PRDM15: variants seen among roughly 807,000 people sequenced by gnomAD.
PRDM15 encodes PR domain zinc finger protein 15.
PRDM15 carries 64 observed loss-of-function variants against 128.6 expected under a neutral mutation model. The ratio of observed to expected loss-of-function variants is 0.50; its 90% CI spans 0.41 to 0.61. PRDM15 has a LOEUF of 0.61. Among genes scored for constraint, PRDM15 ranks in the 20% least tolerant of loss-of-function variants. The pLI is 0.00. For synonymous variants in PRDM15, 615 were observed against 621.8 expected (o/e 0.99, Z 0.16); for missense variants, 1,242 against 1,569.1 (o/e 0.79, Z 3.52).
intron 11 of PRDM15, among the ~76,000 whole-genome samples, chr21:41,834,060 G>C (rs1474193988): frequency 6.6e-6 from 1 of 152,188 alleles, no homozygotes; most frequent in African/African-American, 2.4e-5. Flanking sequence ...GAATTCTTGT[G>C]ATAGGAGGGC....
At chr21:41,871,204 T>G (rs1156390538) in intron 1 of PRDM15, among the ~76,000 whole-genome samples, 1 of 152,184 alleles carries the variant, frequency 6.6e-6, no homozygotes, top group Non-Finnish European at 1.5e-5. Flanking sequence ...AAAAGGCATG[T>G]GTTCTACAGG....
At position 41,802,738 on chromosome 21, in the gene PRDM15, T is replaced by C; in HGVS notation, c.2917A>G (p.Asn973Asp). 1 of 1,614,174 alleles carries C rather than the reference T, an allele frequency of 6.2e-7. No individual in the cohort carries two copies. The highest frequency in any genetic ancestry group is 8.5e-7 in the Non-Finnish European group (1 of 1,180,020). The stretch of plus-strand genomic sequence containing the variant: ...TGCTGAATGCTCTGTACTGCGGAAT[T>C]GGTCTCGTCGCCTACACTGCCTGTG... ...EFTGSVGDET[N>D]SAVQSIQQVV... The change falls in exon 23 of 24, where the codon AAT (asparagine) becomes GAT (aspartate). Residue 973 changes from asparagine (N) to aspartate (D), a missense_variant. By Grantham distance (23) the Asn-to-Asp change is conservative. This residue lies in a region of PRDM15 where 602 missense variants were observed against 788.3 expected (regional missense o/e 0.76). Transcript: ENST00000398548.
intron 1 of PRDM15, chr21:41,861,776 C>T (rs1013942126): frequency 4.4e-6 from 7 of 1,609,064 alleles, no homozygotes; most frequent in Non-Finnish European, 5.1e-6. Flanking sequence ...GGGTTGAAAA[C>T]TTCAAGTTAG....
intron 1 of PRDM15, among the ~76,000 whole-genome samples, chr21:41,876,593 A>G (rs2064425755): frequency 6.6e-6 from 1 of 151,758 alleles, no homozygotes; most frequent in Admixed American, 6.6e-5. Flanking sequence ...CCCCAGGGCC[A>G]TGACTGCAAG....
At chr21:41,849,226 G>C (rs1568980999) in intron 5 of PRDM15, among the ~76,000 whole-genome samples, 1 of 152,248 alleles carries the variant, frequency 6.6e-6, no homozygotes, top group South Asian at 2.1e-4. Flanking sequence ...ATGAAGTCGA[G>C]GTCTGTAACT....
At chr21:41,865,222 T>TCCCCACTCCCCA (rs2063966118) in intron 1 of PRDM15, among the ~76,000 whole-genome samples, 1 of 151,726 alleles carries the variant, frequency 6.6e-6, no homozygotes, top group Non-Finnish European at 1.5e-5. Context: ...CACTCCTCAG[T>TCCCCACTCCCCA]CTTAGCTTAA....
chr21:41,804,953 C>A (rs181031035), intron 21 of PRDM15, among the ~76,000 whole-genome samples: 43 of 152,326 alleles, frequency 2.8e-4, no homozygotes, highest in Non-Finnish European at 5.4e-4. Context: ...CAAGGGAGAC[C>A]ACAGCAAGGT....
At chr21:41,819,977 G>T in intron 17 of PRDM15, 118 bp downstream of exon 17, 1 of 875,358 alleles carries the variant, frequency 1.1e-6, no homozygotes, top group South Asian at 1.5e-5. Context: ...ACAGAGGAAG[G>T]CATGGGGGAG....
intron 18 of PRDM15, among the ~76,000 whole-genome samples, chr21:41,819,183 A>C (rs1194522228): frequency 3.9e-5 from 6 of 152,244 alleles, no homozygotes; most frequent in Admixed American, 2.6e-4. Flanking sequence ...TTCCTTAAGT[A>C]AGCGACTGAA....
chr21:41,861,485 TA>T, intron 1 of PRDM15: 1 of 1,278,850 alleles, frequency 7.8e-7, no homozygotes, highest in African/African-American at 1.5e-5. Context: ...GGGAGGAGCA[TA>T]AAGTGAGATA....
chr21:41,869,439 A>ATT (rs575371462), intron 1 of PRDM15, among the ~76,000 whole-genome samples: 8 of 125,436 alleles, frequency 6.4e-5, no homozygotes, highest in African/African-American at 1.8e-4. Flanking sequence ...ATCACCGGCT[A>ATT]TTTTTTTTTT....
chr21:41,820,137 T>C lies in PRDM15; in HGVS notation c.2098A>G (p.Asn700Asp). The change falls in exon 17 of 24, where the codon AAC becomes GAC. Residue 700 changes from asparagine (N) to aspartate (D), a missense_variant. This residue lies in a region of PRDM15 where 602 missense variants were observed against 788.3 expected (regional missense o/e 0.76). Transcript: ENST00000398548. ...TGGCGCTCCAGGTTCCCGATGCTGTTGAAGATCCGCCCGCAGATCTCGCAG... is the reference window on the plus strand; with the variant it reads ...TGGCGCTCCAGGTTCCCGATGCTGTCGAAGATCCGCCCGCAGATCTCGCAG... ...HPCEICGRIF[N>D]SIGNLERHKL... is the part of the protein sequence containing the mutation. 6.2e-7 allele frequency: 1 copy of C among 1,613,818 alleles called. No homozygotes were observed. Among genetic ancestry groups the C allele is most frequent in the Non-Finnish European group, 8.5e-7 (1 of 1,179,870 alleles).
chr21:41,801,288 C>T lies in PRDM15; in HGVS notation c.3378G>A (p.Gln1126=). Reference sequence around the variant, plus strand: ...GCTGCTGCTCCGCCTGCACCTGGGGCTGGGCCGCCTGCTGTGGGGGTGCCT... The same window carrying T: ...GCTGCTGCTCCGCCTGCACCTGGGGTTGGGCCGCCTGCTGTGGGGGTGCCT... ...QPQAPPQQAA[Q]PQVQAEQQQQ... Residue 1126 remains glutamine, a synonymous_variant, in exon 24 of 24, where the codon CAG becomes CAA. Coordinates refer to ENST00000398548, the MANE Select transcript of PRDM15 (RefSeq NM_001040424.3). 6.4e-7 allele frequency: 1 copy of T among 1,555,600 alleles called. No homozygotes were observed. The highest frequency in any genetic ancestry group is 8.7e-7 in the Non-Finnish European group (1 of 1,149,730).
chr21:41,807,717 T>C (rs1485849690), intron 21 of PRDM15, among the ~76,000 whole-genome samples: 1 of 152,136 alleles, frequency 6.6e-6, no homozygotes, highest in Non-Finnish European at 1.5e-5. Flanking sequence ...TGAGTTAATG[T>C]AGAGGGAAAC....
intron 19 of PRDM15, chr21:41,814,990 G>C (rs1324372823): frequency 1.3e-5 from 2 of 153,214 alleles, no homozygotes; most frequent in African/African-American, 4.9e-5. Context: ...TAGTGATTGC[G>C]CAGGGTGCTC....
At chr21:41,836,317 G>A in intron 9 of PRDM15, 110 bp from the exon 10 acceptor site, 1 of 1,296,740 alleles carries the variant, frequency 7.7e-7, no homozygotes, top group Non-Finnish European at 1.1e-6. Flanking sequence ...CCATGCGAAG[G>A]AGCTGCAGAG....
At chr21:41,848,842 G>A (rs1018458269) in intron 5 of PRDM15, among the ~76,000 whole-genome samples, 1 of 152,178 alleles carries the variant, frequency 6.6e-6, no homozygotes, top group Non-Finnish European at 1.5e-5. Context: ...AGGGTTTTCC[G>A]AATAGTAATT....
intron 13 of PRDM15, 33 bp from the exon 14 acceptor site, chr21:41,823,482 C>T (rs763890602): frequency 1.3e-4 from 204 of 1,539,728 alleles, no homozygotes; most frequent in South Asian, 2.8e-4. Context: ...TGAGGGGCTG[C>T]GGCGTCTCGT....
In PRDM15 at chr21:41,827,052, G is replaced by A. The variant is rs537122418; in HGVS notation, c.1535-998C>T. 4.6e-5 allele frequency among the ~76,000 whole-genome samples: 7 copies of A among 152,302 alleles called. No homozygotes were observed. In the East Asian group the frequency reaches 9.7e-4, roughly 21 times the overall value. On this transcript the variant is annotated intron_variant, in intron 12 of 23. Transcript: ENST00000398548. ...GGTCTGGTGCAACCATCACAGCAAT[G>A]CTAGGGATTCAGGTCTGAGTACTGT...
Sources: gnomAD v4.1 joint callset for allele counts (sites outside exome capture counted in the v4.1 genomes callset) on GRCh38, gnomAD v4.1.1 for gene constraint, gnomAD v4.1.1 regional missense constraint, MANE v1.5 for transcripts, NCBI Gene and HGNC (gene_info 2026-07-23, HGNC 2026-07-21) for gene names.